The following STXBP5L variants were observed in gnomAD, a reference collection of about 807,000 sequenced individuals.
STXBP5L encodes the protein syntaxin binding protein 5L.
In STXBP5L, 65 loss-of-function variants were observed where a neutral mutation model predicts 144.5. That is an observed-to-expected ratio of 0.45 (90% CI 0.37 to 0.55). The LOEUF (loss-of-function observed/expected upper bound fraction) is 0.55, where lower values mean the gene tolerates loss of function less well. Among genes scored for constraint, STXBP5L ranks in the 20% least tolerant of loss-of-function variants. STXBP5L has a pLI of 0.00. For synonymous variants in STXBP5L, 505 were observed against 469.6 expected (o/e 1.08, Z -0.97); for missense variants, 1,298 against 1,405.5 (o/e 0.92, Z 1.22).
At chr3:120,941,965 G>A (rs900743054) in intron 2 of STXBP5L, among the ~76,000 whole-genome samples, 1 of 151,634 alleles carries the variant, frequency 6.6e-6, no homozygotes, top group African/African-American at 2.4e-5. Context: ...TTAAACACAA[G>A]CCATTTAAAA....
chr3:121,105,813 CATTA>C (rs1359761915), intron 5 of STXBP5L, among the ~76,000 whole-genome samples: 7 of 152,062 alleles, frequency 4.6e-5, no homozygotes, highest in Non-Finnish European at 7.4e-5. Context: ...TTCAACGTCA[CATTA>C]ATTAATATTG....
intron 3 of STXBP5L, among the ~76,000 whole-genome samples, chr3:120,970,128 T>C (rs1940075827): frequency 6.6e-6 from 1 of 152,124 alleles, no homozygotes; most frequent in South Asian, 2.1e-4. Context: ...TTACGTCTTT[T>C]TATATTATCT....
intron 10 of STXBP5L, among the ~76,000 whole-genome samples, chr3:121,216,140 C>T (rs2048769165): frequency 6.6e-6 from 1 of 152,140 alleles, no homozygotes; most frequent in East Asian, 1.9e-4. Flanking sequence ...TTAGAACATG[C>T]TCCTTTAGCT....
At chr3:121,393,020 A>T (rs1353136280) in intron 22 of STXBP5L, among the ~76,000 whole-genome samples, 3 of 151,982 alleles carry the variant, frequency 2.0e-5, no homozygotes, top group Admixed American at 2.0e-4. Context: ...TGCTTTCCAT[A>T]GAAGTTGTAC....
At chr3:121,022,224 A>G (rs952031230) in intron 3 of STXBP5L, among the ~76,000 whole-genome samples, 2 of 152,058 alleles carry the variant, frequency 1.3e-5, no homozygotes, top group Non-Finnish European at 2.9e-5. Flanking sequence ...CCAGGAAGAA[A>G]TAGAAACTCT....
intron 3 of STXBP5L, among the ~76,000 whole-genome samples, chr3:120,993,678 A>G (rs559534718): frequency 1.3e-5 from 2 of 151,760 alleles, no homozygotes; most frequent in Admixed American, 1.3e-4. Context: ...TTTTATATCC[A>G]TATCATGCTG....
intron 5 of STXBP5L, among the ~76,000 whole-genome samples, chr3:121,052,097 C>T (rs1382514488): frequency 6.6e-6 from 1 of 152,094 alleles, no homozygotes; most frequent in Non-Finnish European, 1.5e-5. Flanking sequence ...CAATAGCTTA[C>T]CAACCAAAAA....
intron 5 of STXBP5L, among the ~76,000 whole-genome samples, chr3:121,104,834 A>G (rs1454220015): frequency 6.6e-6 from 1 of 152,176 alleles, no homozygotes; most frequent in East Asian, 1.9e-4. Flanking sequence ...ACATTGGTGT[A>G]GGCAAAGAGC....
intron 2 of STXBP5L, among the ~76,000 whole-genome samples, chr3:120,923,266 T>A (rs1709446190): frequency 6.6e-6 from 1 of 152,000 alleles, no homozygotes; most frequent in South Asian, 2.1e-4. Flanking sequence ...AAGGTTTGTC[T>A]ATTTACATTT....
At chr3:120,974,858 T>G (rs947468128) in intron 3 of STXBP5L, among the ~76,000 whole-genome samples, 2 of 152,174 alleles carry the variant, frequency 1.3e-5, no homozygotes, top group African/African-American at 4.8e-5. Context: ...GTTGTAGATA[T>G]GCGGTGTTAT....
intron 5 of STXBP5L, among the ~76,000 whole-genome samples, chr3:121,077,152 C>T (rs1439103581): frequency 6.6e-6 from 1 of 152,172 alleles, no homozygotes; most frequent in African/African-American, 2.4e-5. Flanking sequence ...TCACGAGCCC[C>T]ACCTGCATCT....
Position 121,423,439 on chromosome 3 carries a change from G to C in STXBP5L, c.*4342G>C, listed in dbSNP as rs990285931. 2 of 152,238 alleles carry C rather than the reference G, an allele frequency of 1.3e-5. No individual in the cohort carries two copies. Among genetic ancestry groups the C allele is most frequent in the Non-Finnish European group, 2.9e-5 (2 of 68,066 alleles). 9.4% of individuals were successfully genotyped at this position (152,238 alleles called of 1,614,324 possible). On this transcript the variant is annotated 3_prime_UTR_variant, in exon 27 of 27. Transcript: ENST00000471454. ...TGTAGAATAGGTAAGGTCTGTCTTA[G>C]AAAAGGAGGAGGAAGTACCAATTTG... is the stretch of plus-strand genomic sequence containing the variant.
chr3:121,172,266 G>A (rs1176216652), intron 9 of STXBP5L, among the ~76,000 whole-genome samples: 3 of 152,116 alleles, frequency 2.0e-5, no homozygotes, highest in Non-Finnish European at 4.4e-5. Context: ...CATTCAGGAT[G>A]TAGGCATGGG....
chr3:121,287,379 G>A (rs2051266817), intron 19 of STXBP5L, among the ~76,000 whole-genome samples: 1 of 152,140 alleles, frequency 6.6e-6, no homozygotes, highest in Admixed American at 6.5e-5. Flanking sequence ...CTAAAAATGT[G>A]AGTTTAACAA....
At chr3:121,296,940 A>G (rs2051676280) in intron 19 of STXBP5L, among the ~76,000 whole-genome samples, 1 of 152,162 alleles carries the variant, frequency 6.6e-6, no homozygotes, top group Non-Finnish European at 1.5e-5. Flanking sequence ...ATTCTGGGGT[A>G]ATTATAGAAT....
At chr3:121,087,114 C>T (rs2042538028) in intron 5 of STXBP5L, among the ~76,000 whole-genome samples, 1 of 151,842 alleles carries the variant, frequency 6.6e-6, no homozygotes, top group South Asian at 2.1e-4. Flanking sequence ...TGTAGCTCAT[C>T]TTTGTGTATG....
At chr3:120,999,537 G>A (rs180672460) in intron 3 of STXBP5L, among the ~76,000 whole-genome samples, 6 of 152,190 alleles carry the variant, frequency 3.9e-5, no homozygotes, top group Non-Finnish European at 7.4e-5. Context: ...TGACTATGCT[G>A]TGCCTTTAAA....
At chr3:120,915,026 G>A (rs996893479) in intron 2 of STXBP5L, among the ~76,000 whole-genome samples, 1 of 152,048 alleles carries the variant, frequency 6.6e-6, no homozygotes, top group African/African-American at 2.4e-5. Flanking sequence ...AAGTTACCTA[G>A]AGGGCAATCA....
chr3:121,422,415 A>G lies in STXBP5L; in HGVS notation c.*3318A>G, dbSNP rs1368071828. On this transcript the variant is annotated 3_prime_UTR_variant, in exon 27 of 27. Transcript: ENST00000471454. ...TGGAAGATAAGGCCTTTTTAGTGTT[A>G]CAGTAGAAAATGGGCCTTTTCATTT... The G allele has an allele frequency of 3.9e-5, 6 of 152,158 alleles. No homozygotes were observed. The highest frequency in any genetic ancestry group is 3.9e-4 in the Admixed American group (6 of 15,264). The allele number at this position is 152,158 out of a possible 1,614,324, so 9.4% of individuals were successfully genotyped here.
Sources: allele counts gnomAD v4.1 joint callset (sites outside exome capture counted in the v4.1 genomes callset), GRCh38; gene constraint gnomAD v4.1.1; transcripts MANE v1.5; gene names NCBI Gene and HGNC (gene_info 2026-07-23, HGNC 2026-07-21).